SCN3A: variants seen among roughly 807,000 people sequenced by gnomAD.
SCN3A encodes sodium voltage-gated channel alpha subunit 3, also known as sodium channel protein type 3 subunit alpha.
Under a neutral mutation model 187.6 loss-of-function variants are expected in SCN3A, and 60 were observed. The ratio of observed to expected loss-of-function variants is 0.32; its 90% confidence interval spans 0.26 to 0.40. The LOEUF (loss-of-function observed/expected upper bound fraction) is 0.40, where lower values mean the gene tolerates loss of function less well. Ranked by LOEUF, SCN3A falls within the 10% of genes least tolerant of loss-of-function variation. The probability of loss-of-function intolerance (pLI) is 1.00; values close to 1 mark genes in which losing one functional copy is unlikely to be tolerated. For synonymous variants in SCN3A, 788 were observed against 829.2 expected, an observed-to-expected ratio of 0.95 and a Z score of 0.85; for missense variants, 1,601 against 2,428.2, an observed-to-expected ratio of 0.66 and a Z score of 7.16.
At chr2:165,181,044 C>A (rs546947778) in intron 2 of SCN3A, among the ~76,000 whole-genome samples, 74 of 151,966 alleles carry the variant, frequency 4.9e-4, no homozygotes, top group Non-Finnish European at 8.4e-4. Flanking sequence ...TTAATGAAAA[C>A]AACTATATTA....
chr2:165,198,921 T>C (rs1476343846), intron 1 of SCN3A, among the ~76,000 whole-genome samples: 1 of 151,932 alleles, frequency 6.6e-6, no homozygotes, highest in Non-Finnish European at 1.5e-5. Flanking sequence ...TGACTAGTCC[T>C]CAAATAGAGG....
At chr2:165,118,804 C>G (rs1222170498) in intron 18 of SCN3A, among the ~76,000 whole-genome samples, 1 of 151,870 alleles carries the variant, frequency 6.6e-6, no homozygotes, top group Non-Finnish European at 1.5e-5. Context: ...GCTCTGTCAC[C>G]CAGGCTGGAG....
intron 15 of SCN3A, among the ~76,000 whole-genome samples, chr2:165,133,590 C>T (rs967563691): frequency 2.0e-5 from 3 of 151,316 alleles, no homozygotes; most frequent in African/African-American, 4.8e-5. Context: ...GTGATCTGCC[C>T]GCCTCAGCCT....
At chr2:165,107,681 A>G (rs1162026619) in intron 21 of SCN3A, among the ~76,000 whole-genome samples, 5 of 152,212 alleles carry the variant, frequency 3.3e-5, no homozygotes, top group Non-Finnish European at 7.3e-5. Context: ...AATATGCCAA[A>G]TAGATCTGTG....
chr2:165,141,103 T>C (rs1687985853), intron 12 of SCN3A, 105 bp from the exon 13 acceptor site: 1 of 720,872 alleles, frequency 1.4e-6, no homozygotes, highest in African/African-American at 1.8e-5. Flanking sequence ...GGAGTTAGTA[T>C]ACTCTTGCTC....
At chr2:165,106,370 G>GTTTA (rs1464603310) in intron 21 of SCN3A, among the ~76,000 whole-genome samples, 3 of 152,078 alleles carry the variant, frequency 2.0e-5, no homozygotes, top group Non-Finnish European at 2.9e-5. Flanking sequence ...AAGTATCTTT[G>GTTTA]TTAATAGATG....
intron 26 of SCN3A, 133 bp downstream of exon 26, chr2:165,094,241 T>C: frequency 1.3e-6 from 1 of 778,668 alleles, no homozygotes; most frequent in Non-Finnish European, 2.3e-6. Context: ...TGAATTATGA[T>C]GCAAAATATG....
At chr2:165,154,424 A>T in intron 11 of SCN3A, 28 bp downstream of exon 11, 1 of 1,607,836 alleles carries the variant, frequency 6.2e-7, no homozygotes, top group Non-Finnish European at 8.5e-7. Flanking sequence ...AATAATAATG[A>T]TAAATCTTTG....
chr2:165,171,857 C>T (rs1574291651), intron 3 of SCN3A, among the ~76,000 whole-genome samples: 1 of 152,160 alleles, frequency 6.6e-6, no homozygotes, highest in East Asian at 1.9e-4. Context: ...TACTTTTTCT[C>T]CATTTTTTTC....
intron 17 of SCN3A, among the ~76,000 whole-genome samples, chr2:165,128,676 C>T (rs1687140328): frequency 6.6e-6 from 1 of 152,196 alleles, no homozygotes; most frequent in Non-Finnish European, 1.5e-5. Context: ...ACACGTTTCC[C>T]ATCAAATACA....
rs1687072234 is a variant in SCN3A, at chr2:165,127,678, T to A, written c.3346A>T (p.Asn1116Tyr). Residue 1116 changes from asparagine to tyrosine, a missense_variant, in exon 18 of 28, where the codon AAT becomes TAT. Physicochemically the swap from Asn to Tyr is moderately radical, Grantham distance 143. Around this residue, in one of 11 missense-constraint regions of SCN3A, gnomAD observed 267 missense variants for 313.2 expected, o/e 0.85. Transcript: ENST00000283254. The part of the protein sequence containing the change: ...AVGESDFENL[N>Y]TEEFSSESEL... ...GACTCACTGCTGAACTCTTCAGTAT[T>A]TAAGTTTTCAAAGTCAGACTCTCCA... The A allele has an allele frequency of 1.2e-6, 2 of 1,614,190 alleles. No homozygotes were observed. Among genetic ancestry groups the A allele is most frequent in the African/African-American group, 2.7e-5 (2 of 75,058 alleles).
intron 1 of SCN3A, among the ~76,000 whole-genome samples, chr2:165,201,501 G>T (rs928757234): frequency 1.3e-5 from 2 of 152,102 alleles, no homozygotes; most frequent in Admixed American, 6.6e-5. Context: ...GAGAGAGGAA[G>T]GAGGTTCGTA....
chr2:165,189,767 T>G (rs907126310), intron 1 of SCN3A, among the ~76,000 whole-genome samples: 3 of 152,204 alleles, frequency 2.0e-5, no homozygotes, highest in African/African-American at 7.2e-5. Context: ...TGTTGTAAAA[T>G]TTTTGTCTTA....
chr2:165,176,266 A>T lies in SCN3A; in HGVS notation c.129T>A (p.Asn43Lys). The change falls in exon 3 of 28, where the codon AAT becomes AAA. Residue 43 changes from asparagine (N) to lysine (K), a missense_variant. By Grantham distance (94) the Asn-to-Lys change is moderately conservative. Coordinates refer to ENST00000283254, the MANE Select transcript of SCN3A (RefSeq NM_006922.4). ...KAKKPKKEQDNDDENKPKPNS... is the reference protein window; with the variant it reads ...KAKKPKKEQDKDDENKPKPNS... The stretch of plus-strand genomic sequence containing the variant: ...TTGGCTTTGGTTTGTTCTCATCATC[A>T]TTATCTTGTTCCTTTTTGGGCTTCT... The T allele has an allele frequency of 2.2e-6, 3 of 1,338,548 alleles. No homozygotes were observed. The highest frequency in any genetic ancestry group is 3.1e-6 in the Non-Finnish European group (3 of 970,722). 82.9% of individuals were successfully genotyped at this position (1,338,548 alleles called of 1,614,324 possible).
chr2:165,126,086 G>A (rs1686972813), intron 18 of SCN3A, among the ~76,000 whole-genome samples: 1 of 151,992 alleles, frequency 6.6e-6, no homozygotes, highest in Non-Finnish European at 1.5e-5. Flanking sequence ...ATCAAGTTTT[G>A]TTGATACACT....
At chr2:165,191,330 A>C (rs767744153) in intron 1 of SCN3A, among the ~76,000 whole-genome samples, 1 of 152,076 alleles carries the variant, frequency 6.6e-6, no homozygotes, top group Non-Finnish European at 1.5e-5. Context: ...ATTTGAGAAC[A>C]TAGAAATCGA....
In SCN3A at chr2:165,092,362, C is replaced by T; in HGVS notation, c.4699G>A (p.Val1567Ile). ...AGCACAAATTCTCCAGTGAACAGAA[C>T]AATGAACACTAGGTTGATCCGGGAC... ...VLSRINLVFIVLFTGEFVLKL... is the reference protein window; with the variant it reads ...VLSRINLVFIILFTGEFVLKL... Residue 1567 changes from valine (V) to isoleucine (I), a missense_variant, in exon 27 of 28, where the codon GTT becomes ATT. By Grantham distance (29) the Val-to-Ile change is conservative (BLOSUM62 3). Coordinates refer to ENST00000283254, the MANE Select transcript of SCN3A (RefSeq NM_006922.4). This position sits in a 1 kb window ranked among gnomAD's most constrained non-coding sequence, Gnocchi z 4.2. 8.1e-6 allele frequency: 13 copies of T among 1,613,920 alleles called. No individual in the cohort carries two copies. The highest frequency in any genetic ancestry group is 1.1e-5 in the Non-Finnish European group (13 of 1,179,950).
chr2:165,174,862 ACT>A (rs1467214452), intron 3 of SCN3A, among the ~76,000 whole-genome samples: 1 of 152,024 alleles, frequency 6.6e-6, no homozygotes, highest in African/African-American at 2.4e-5. Flanking sequence ...GAAAAAGGAG[ACT>A]CTGTTTAGCT....
At chr2:165,187,611 C>G (rs1490206032) in intron 1 of SCN3A, among the ~76,000 whole-genome samples, 1 of 152,180 alleles carries the variant, frequency 6.6e-6, no homozygotes. Context: ...TCCAGATGAA[C>G]TCTCTCCTAA....
Sources: allele counts gnomAD v4.1 joint callset (sites outside exome capture counted in the v4.1 genomes callset), GRCh38; gene constraint gnomAD v4.1.1; regional missense constraint gnomAD v4.1.1; non-coding constraint Gnocchi (gnomAD v3.1); transcripts MANE v1.5; gene names NCBI Gene and HGNC (gene_info 2026-07-23, HGNC 2026-07-21).